Variants in CCDC187 observed in about 807,000 individuals in gnomAD.
CCDC187 encodes coiled-coil domain containing 187.
Under a neutral mutation model 38.0 loss-of-function variants are expected in CCDC187, and 32 were observed. That is an observed-to-expected ratio of 0.84 (90% confidence interval 0.64 to 1.13). The LOEUF (loss-of-function observed/expected upper bound fraction) is 1.13. CCDC187 is among the 50% of genes most tolerant of loss of function. CCDC187 has a pLI of 0.00. For missense variants in CCDC187, 707 were observed against 786.8 expected, an observed-to-expected ratio of 0.90 and a Z score of 1.21; for synonymous variants, 333 against 347.9, an observed-to-expected ratio of 0.96 and a Z score of 0.48.
rs911447238 is a variant in CCDC187, at chr9:136,290,477, A to G, written c.2127+9T>C. 120,780 of 398,200 alleles carry G rather than the reference A, an allele frequency of 0.3. 19,962 individuals are homozygous for G. The highest frequency in any genetic ancestry group is 0.57 in the East Asian group (16,036 of 28,014). 24.7% of individuals were successfully genotyped at this position (398,200 alleles called of 1,614,324 possible). A position where few individuals can be genotyped will look rare whatever the true frequency, so the allele number is the denominator to read the frequency against. ...AGCCGAGTCCCCCCAACCCAACCCCAGCATGTACCCCGGACTGTGCAGAAC... is the reference window on the plus strand; with the variant it reads ...AGCCGAGTCCCCCCAACCCAACCCCGGCATGTACCCCGGACTGTGCAGAAC... On this transcript the variant is annotated intron_variant, in intron 6 of 25. Coordinates refer to ENST00000638797, the MANE Select transcript of CCDC187 (RefSeq NM_001378188.1).
intron 10 of CCDC187, among the ~76,000 whole-genome samples, chr9:136,278,361 A>G (rs1470316883): frequency 1.3e-5 from 2 of 152,170 alleles, no homozygotes; most frequent in Admixed American, 6.5e-5. Context: ...ATCAGAGGAC[A>G]TGGGGGGACA....
intron 22 of CCDC187, 146 bp from the exon 23 acceptor site, chr9:136,256,987 G>GA (rs1210499638): frequency 6.6e-6 from 1 of 152,262 alleles, no homozygotes; most frequent in Non-Finnish European, 1.5e-5. Flanking sequence ...TATGAGGGCG[G>GA]AAACATACAT....
Position 136,286,392 on chromosome 9 carries a change from G to A in CCDC187, c.2526C>T (p.Thr842=), listed in dbSNP as rs1478507597. 1.8e-5 allele frequency: 7 copies of A among 398,562 alleles called. No individual in the cohort carries two copies. The highest frequency in any genetic ancestry group is 4.1e-5 in the African/African-American group (2 of 48,648). The allele number at this position is 398,562 out of a possible 1,614,324, so 24.7% of individuals were successfully genotyped here. Residue 842 remains threonine, a synonymous_variant, in exon 8 of 26, where the codon ACC becomes ACT. Transcript: ENST00000638797. ...GCGCTTCGGCACCCTGCAGCTTGGC[G>A]GTGAGGCTATCGACCCGCTGCTTGA... ...KVLKQRVDSL[T]AKLQGAEALD...
At position 136,302,474 on chromosome 9, in the gene CCDC187, C is replaced by A. The variant is rs909686734; in HGVS notation, c.625+338G>T. Among the ~76,000 whole-genome samples, 23 of 152,190 alleles carry A rather than the reference C, an allele frequency of 1.5e-4. 1 individual carries two copies. Among genetic ancestry groups the A allele is most frequent in the African/African-American group, 5.5e-4 (23 of 41,502 alleles). On this transcript the variant is annotated intron_variant, in intron 2 of 25. Transcript: ENST00000638797. Reference sequence around the variant, plus strand: ...AGGGCGCTCCTGACCTAAGCCCCCACAAATCTGACCATGCAGCCCCCCAAG... The same window carrying A: ...AGGGCGCTCCTGACCTAAGCCCCCAAAAATCTGACCATGCAGCCCCCCAAG...
At chr9:136,284,243 G>A (rs1831117756) in intron 9 of CCDC187, among the ~76,000 whole-genome samples, 1 of 152,146 alleles carries the variant, frequency 6.6e-6, no homozygotes, top group South Asian at 2.1e-4. Context: ...CCACCCTAGG[G>A]CTACACGTGG....
chr9:136,293,173 G>GCT (rs1831382919), intron 4 of CCDC187, among the ~76,000 whole-genome samples: 1 of 5,732 alleles, frequency 1.7e-4, no homozygotes, highest in South Asian at 7.5e-3. Context: ...ACACTCACAT[G>GCT]CTCACACACA....
rs879046307 is a variant in CCDC187, at chr9:136,291,376, A to G, written c.1237T>C (p.Cys413Arg). 143,330 of 398,886 alleles carry G rather than the reference A, an allele frequency of 0.36. 26,328 individuals are homozygous for G. Among genetic ancestry groups the G allele is most frequent in the Admixed American group, 0.4 (8,979 of 22,730 alleles). The allele number at this position is 398,886 out of a possible 1,614,324, so 24.7% of individuals were successfully genotyped here. ...CTCTGGGCATTGGGGTCCCTGCAGC[A>G]GCCCCTCCCTGCCACGTCCTGCAGC... is the stretch of plus-strand genomic sequence containing the variant. ...RRLQDVAGRG[C>R]CRDPNAQSSF... Residue 413 changes from cysteine (C) to arginine (R), a missense_variant, in exon 6 of 26, where the codon TGC (cysteine) becomes CGC (arginine). By Grantham distance (180) the Cys-to-Arg change is radical (BLOSUM62 -3). Transcript: ENST00000638797.
Position 136,254,816 on chromosome 9 carries a change from C to T in CCDC187, c.5012G>A (p.Arg1671Gln). The change falls in exon 26 of 26, where the codon CGA (arginine) becomes CAA (glutamine). Residue 1671 changes from arginine (R) to glutamine (Q), a missense_variant. Transcript: ENST00000638797. ...GFSWPGELSA[R>Q]HSSGEAGLPL... ...CAGGCCAGCTTCCCCCGAGGAGTGT[C>T]GGGCAGAGAGCTCTCCAGGCCAGCT... 4.1e-6 allele frequency: 4 copies of T among 985,506 alleles called. No individual in the cohort carries two copies. Among genetic ancestry groups the T allele is most frequent in the Non-Finnish European group, 4.8e-6 (4 of 829,978 alleles). The allele number at this position is 985,506 out of a possible 1,614,324, so 61.0% of individuals were successfully genotyped here. A position where few individuals can be genotyped will look rare whatever the true frequency, so the allele number is the denominator to read the frequency against.
intron 10 of CCDC187, chr9:136,281,323 T>C: frequency 2.5e-6 from 1 of 397,900 alleles, no homozygotes; most frequent in African/African-American, 2.1e-5. Context: ...CACGTGGGTC[T>C]CATCCACCGA....
intron 7 of CCDC187, among the ~76,000 whole-genome samples, 189 bp from the exon 8 acceptor site, chr9:136,286,884 G>A (rs1021053001): frequency 0.32 from 48,840 of 152,176 alleles, 8,191 homozygotes; most frequent in Non-Finnish European, 0.36. Context: ...CAAAGAACAG[G>A]GCCAGGCGTG....
At position 136,264,846 on chromosome 9, in the gene CCDC187, C is replaced by T. The variant is rs1181110305; in HGVS notation, c.3736-1048G>A. On this transcript the variant is annotated intron_variant, in intron 17 of 25. Transcript: ENST00000638797. This position sits in a 1 kb window ranked among gnomAD's most constrained non-coding sequence, Gnocchi z 4.3. ...GCTCAGCTCACTGCAGCCTTGACCT[C>T]CCAAGCTCAAGCAATCCTCCCATCT... Among the ~76,000 whole-genome samples, 5 of 152,078 alleles carry T rather than the reference C, an allele frequency of 3.3e-5. No individual in the cohort carries two copies. The highest frequency in any genetic ancestry group is 7.4e-5 in the Non-Finnish European group (5 of 68,004).
chr9:136,281,511 G>A (rs1351106761), intron 10 of CCDC187, 40 bp downstream of exon 10: 6 of 394,528 alleles, frequency 1.5e-5, no homozygotes, highest in African/African-American at 6.4e-5. Context: ...CCGGCCACCC[G>A]ACCAGCCAGC....
chr9:136,287,350 T>C (rs1282434622), intron 7 of CCDC187, among the ~76,000 whole-genome samples: 9 of 152,150 alleles, frequency 5.9e-5, no homozygotes, highest in African/African-American at 1.9e-4. Flanking sequence ...AAAGTTTCAT[T>C]TGTCTTACCT....
intron 4 of CCDC187, among the ~76,000 whole-genome samples, chr9:136,293,037 G>T (rs1486481625): frequency 6.6e-6 from 1 of 152,246 alleles, no homozygotes; most frequent in African/African-American, 2.4e-5. Context: ...CCAGCTGCGA[G>T]GGCCCTGGCA....
In CCDC187 at chr9:136,267,642, G is replaced by A. The variant is rs549981696; in HGVS notation, c.3520-131C>T. 167 of 982,968 alleles carry A rather than the reference G, an allele frequency of 1.7e-4. No individual in the cohort carries two copies. The African/African-American group carries it at 2.1e-3, about 12-fold the overall frequency. 60.9% of individuals were successfully genotyped at this position (982,968 alleles called of 1,614,324 possible). ...GCTCCCAGCACAGGCCACCGCCTCC[G>A]AGAAGCCCTCTCGGACTGCCCGCCC... On this transcript the variant is annotated intron_variant, in intron 15 of 25. Transcript: ENST00000638797.
chr9:136,300,547 G>C (rs1027571337), intron 2 of CCDC187, among the ~76,000 whole-genome samples: 1 of 152,090 alleles, frequency 6.6e-6, no homozygotes, highest in African/African-American at 2.4e-5. Flanking sequence ...CCGAGTAGTT[G>C]GGCCAACAGG....
chr9:136,285,440 T>C (rs1199021159), intron 9 of CCDC187, 73 bp downstream of exon 9: 4 of 31,488 alleles, frequency 1.3e-4, no homozygotes, highest in African/African-American at 3.1e-4. Context: ...GGTGGGCAGG[T>C]GGGCAGGTGG....
At chr9:136,273,416 C>T (rs1364368448) in intron 14 of CCDC187, among the ~76,000 whole-genome samples, 2 of 152,152 alleles carry the variant, frequency 1.3e-5, no homozygotes, top group Admixed American at 6.5e-5. Flanking sequence ...GATACTGCTG[C>T]GGCTAAGAGG....
rs1371170404 is a variant in CCDC187 at position 136,250,800 on chromosome 9, C to T, written c.*2794G>A. The T allele has an allele frequency of 3.7e-5, 17 of 456,326 alleles. No individual in the cohort carries two copies. The Middle Eastern group carries it at 9.8e-4, about 26-fold the overall frequency. The allele number at this position is 456,326 out of a possible 1,614,324, so 28.3% of individuals were successfully genotyped here. A position where few individuals can be genotyped will look rare whatever the true frequency, so the allele number is the denominator to read the frequency against. ...GACACAGGCCGGCCATTGTTAACGG[C>T]ACCTGGGGCTAAGCAGCCGCCCCGG... On this transcript the variant is annotated 3_prime_UTR_variant, in exon 26 of 26. Transcript: ENST00000638797.
Sources: allele counts gnomAD v4.1 joint callset (sites outside exome capture counted in the v4.1 genomes callset), GRCh38; gene constraint gnomAD v4.1.1; non-coding constraint Gnocchi (gnomAD v3.1); transcripts MANE v1.5; gene names NCBI Gene and HGNC (gene_info 2026-07-23, HGNC 2026-07-21).